The following FGF14 variants were observed in gnomAD, a reference collection of about 807,000 sequenced individuals.
The protein encoded by FGF14 is fibroblast growth factor homologous factor 4.
A neutral mutation model predicts 25.5 loss-of-function variants in FGF14; 5 were observed. The ratio of observed to expected loss-of-function variants is 0.20; its 90% confidence interval spans 0.10 to 0.41. The LOEUF is 0.41. Among genes scored for constraint, FGF14 ranks in the 10% least tolerant of loss-of-function variants. The pLI is 1.00. For synonymous variants in FGF14, 138 were observed against 118.3 expected (o/e 1.17, Z -1.08); for missense variants, 222 against 320.1 (o/e 0.69, Z 2.34).
In FGF14 at chr13:101,714,539, C is replaced by T. The variant is rs1360622777; in HGVS notation, c.*8292G>A. 5 of 1,589,628 alleles carry T rather than the reference C, an allele frequency of 3.1e-6. No individual in the cohort carries two copies. The highest frequency in any genetic ancestry group is 4.3e-6 in the Non-Finnish European group (5 of 1,157,924). ...CAGAGACTGCGACAAACATGATGGT[C>T]TCATTTGTACAGGTGCAGTATTAAC... On this transcript the variant is annotated 3_prime_UTR_variant, in exon 5 of 5. Transcript: ENST00000376143.
chr13:101,860,452 T>G (rs550755353), intron 3 of FGF14, among the ~76,000 whole-genome samples: 2 of 152,212 alleles, frequency 1.3e-5, no homozygotes, highest in South Asian at 4.1e-4. Flanking sequence ...ATTATAATAA[T>G]AGTAATGACA....
intron 1 of FGF14, among the ~76,000 whole-genome samples, chr13:102,044,444 C>G (rs1308375630): frequency 6.6e-6 from 1 of 152,038 alleles, no homozygotes; most frequent in Non-Finnish European, 1.5e-5. Context: ...AAAAACCTGT[C>G]CTTCATGTTC....
At chr13:102,082,849 T>C (rs1296571975) in intron 1 of FGF14, among the ~76,000 whole-genome samples, 2 of 151,184 alleles carry the variant, frequency 1.3e-5, no homozygotes, top group African/African-American at 4.8e-5. Context: ...TCCCAGCTAC[T>C]TGGGAGGCTG....
chr13:102,218,271 T>C (rs1408479773), intron 1 of FGF14, among the ~76,000 whole-genome samples: 1 of 151,984 alleles, frequency 6.6e-6, no homozygotes. Context: ...TCCATCTGAT[T>C]TGTTCAGCAA....
chr13:102,128,813 T>C (rs1400727590), intron 1 of FGF14, among the ~76,000 whole-genome samples: 1 of 152,178 alleles, frequency 6.6e-6, no homozygotes, highest in East Asian at 1.9e-4. Flanking sequence ...CTGGGCAAGG[T>C]GACTCATGCA....
chr13:101,985,344 G>C (rs1358922715), intron 1 of FGF14, among the ~76,000 whole-genome samples: 4 of 151,886 alleles, frequency 2.6e-5, no homozygotes, highest in Non-Finnish European at 5.9e-5. Context: ...ATACGTATGT[G>C]TGTTTCATTA....
chr13:102,067,313 C>G (rs948080117), intron 1 of FGF14, among the ~76,000 whole-genome samples: 1 of 152,048 alleles, frequency 6.6e-6, no homozygotes, highest in African/African-American at 2.4e-5. Context: ...CTTGACAAAT[C>G]AAAACCAAAA....
chr13:102,378,631 C>CTATA (rs750576641), intron 1 of FGF14, among the ~76,000 whole-genome samples: 13,127 of 141,672 alleles, frequency 0.093, 766 homozygotes, highest in Non-Finnish European at 0.13. Flanking sequence ...ATCTATCTAT[C>CTATA]TATATATATA....
chr13:102,219,040 G>A (rs1214882292), intron 1 of FGF14, among the ~76,000 whole-genome samples: 1 of 151,984 alleles, frequency 6.6e-6, no homozygotes, highest in East Asian at 1.9e-4. Context: ...GGGAAAATGG[G>A]GTATCCAACA....
intron 1 of FGF14, among the ~76,000 whole-genome samples, chr13:102,257,191 A>G (rs564929249): frequency 6.6e-6 from 1 of 152,252 alleles, no homozygotes; most frequent in South Asian, 2.1e-4. Context: ...CCTATTAGAA[A>G]AACAAAAAGC....
rs142856050 is a variant in FGF14 at position 102,149,687 on chromosome 13, AGT to A, written c.208+251782_208+251783del. Reference sequence around the variant, plus strand: ...GGGAGGGGAAGCTGAAGTTGGGGGGAGTAATAGGGACAAAGGCACAGAGCCCA... The same window carrying A: ...GGGAGGGGAAGCTGAAGTTGGGGGGAAATAGGGACAAAGGCACAGAGCCCA... On this transcript the variant is annotated intron_variant, in intron 1 of 4. Coordinates refer to the FGF14 transcript ENST00000376131. Among the ~76,000 whole-genome samples, 8 of 152,148 alleles carry A rather than the reference AGT, an allele frequency of 5.3e-5. No individual in the cohort carries two copies. In the East Asian group the frequency reaches 1.5e-3, roughly 29 times the overall value.
chr13:101,812,641 ATATATATATATATTTTTTTTT>A (rs1363784511), intron 3 of FGF14, among the ~76,000 whole-genome samples: 24 of 10,846 alleles, frequency 2.2e-3, no homozygotes, highest in African/African-American at 6.9e-3. Context: ...ATATATATAT[ATATATATATATATTTTTTTTT>A]TTTTTTTTTT....
At chr13:102,170,425 T>G (rs2048199836) in intron 1 of FGF14, among the ~76,000 whole-genome samples, 1 of 151,966 alleles carries the variant, frequency 6.6e-6, no homozygotes, top group Admixed American at 6.6e-5. Flanking sequence ...ACTTCTGCCC[T>G]ACACCCAAGC....
At chr13:102,054,986 A>G (rs762571807) in intron 1 of FGF14, among the ~76,000 whole-genome samples, 4 of 152,188 alleles carry the variant, frequency 2.6e-5, no homozygotes, top group African/African-American at 7.2e-5. Flanking sequence ...ACAACCAGGT[A>G]TCCATGTCTC....
intron 1 of FGF14, among the ~76,000 whole-genome samples, chr13:102,335,603 C>T (rs929737195): frequency 6.6e-6 from 1 of 152,072 alleles, no homozygotes; most frequent in Non-Finnish European, 1.5e-5. Context: ...CCCTGAAGAA[C>T]CCACAAAAAG....
At chr13:101,752,609 G>T (rs1433307422) in intron 3 of FGF14, among the ~76,000 whole-genome samples, 1 of 152,164 alleles carries the variant, frequency 6.6e-6, no homozygotes, top group African/African-American at 2.4e-5. Context: ...AACTGCATTG[G>T]CTTACGCAGT....
At chr13:101,909,805 C>T (rs1202252704) in intron 1 of FGF14, among the ~76,000 whole-genome samples, 2 of 152,068 alleles carry the variant, frequency 1.3e-5, no homozygotes, top group Non-Finnish European at 2.9e-5. Context: ...ATGTTTCTTG[C>T]GGCACTATTC....
intron 1 of FGF14, among the ~76,000 whole-genome samples, chr13:102,259,279 C>G (rs934315566): frequency 2.0e-5 from 3 of 152,318 alleles, no homozygotes; most frequent in Non-Finnish European, 4.4e-5. Flanking sequence ...ACAAACTGAG[C>G]CCCTCACAGC....
intron 1 of FGF14, among the ~76,000 whole-genome samples, chr13:102,091,338 G>T (rs1762137273): frequency 6.6e-6 from 1 of 152,056 alleles, no homozygotes; most frequent in Non-Finnish European, 1.5e-5. Context: ...TCTGCCACTA[G>T]GAGCACCAGA....
Sources: allele counts gnomAD v4.1 joint callset (sites outside exome capture counted in the v4.1 genomes callset), GRCh38; gene constraint gnomAD v4.1.1; transcripts MANE v1.5; gene names NCBI Gene and HGNC (gene_info 2026-07-23, HGNC 2026-07-21).